The following CNTNAP5 variants were observed in gnomAD, a reference collection of about 807,000 sequenced individuals.
The protein encoded by CNTNAP5 is contactin-associated protein-like 5.
In CNTNAP5, 72 loss-of-function variants were observed where a neutral mutation model predicts 150.2. The ratio of observed to expected loss-of-function variants is 0.48; its 90% confidence interval spans 0.40 to 0.58. CNTNAP5 has a LOEUF of 0.58. CNTNAP5 is among the 20% of genes least tolerant of loss of function. The probability of loss-of-function intolerance (pLI) is 0.00; values close to 1 mark genes in which losing one functional copy is unlikely to be tolerated. For missense variants in CNTNAP5, 1,636 were observed against 1,626.2 expected (o/e 1.01, Z -0.10); for synonymous variants, 672 against 619.8 (o/e 1.08, Z -1.25).
chr2:124,556,198 A>G (rs1695751730), intron 10 of CNTNAP5, among the ~76,000 whole-genome samples: 1 of 152,166 alleles, frequency 6.6e-6, no homozygotes, highest in Non-Finnish European at 1.5e-5. Flanking sequence ...AGTGACAGGT[A>G]GTATGCTTCA....
At position 124,865,359 on chromosome 2, in the gene CNTNAP5, A is replaced by G; in HGVS notation, c.3271A>G (p.Ile1091Val). 1.3e-6 allele frequency: 2 copies of G among 1,562,664 alleles called. No homozygotes were observed. The highest frequency in any genetic ancestry group is 1.7e-6 in the Non-Finnish European group (2 of 1,151,958). ...LNKEETHVFTIDADNFANRRM... is the reference protein window; with the variant it reads ...LNKEETHVFTVDADNFANRRM... ...CAAGGAAGAAACCCATGTATTCACCATTGATGCAGATAACTTTGCTAACAG... is the reference window on the plus strand; with the variant it reads ...CAAGGAAGAAACCCATGTATTCACCGTTGATGCAGATAACTTTGCTAACAG... The change falls in exon 20 of 24, where the codon ATT becomes GTT. Residue 1091 changes from isoleucine to valine, a missense_variant. By Grantham distance (29) the Ile-to-Val change is conservative (BLOSUM62 3). Coordinates refer to ENST00000682447, the MANE Select transcript of CNTNAP5 (RefSeq NM_001367498.1).
At chr2:124,040,621 CTGTGTGTGTGTGTG>C (rs58364625) in intron 1 of CNTNAP5, among the ~76,000 whole-genome samples, 1 of 145,038 alleles carries the variant, frequency 6.9e-6, no homozygotes, top group Non-Finnish European at 1.5e-5. Context: ...CTGTATGCCT[CTGTGTGTGTGTGTG>C]TGTGTGTGTG....
intron 19 of CNTNAP5, among the ~76,000 whole-genome samples, chr2:124,799,051 A>G (rs1317165458): frequency 6.6e-6 from 1 of 152,136 alleles, no homozygotes; most frequent in Non-Finnish European, 1.5e-5. Flanking sequence ...ATTATTTTTT[A>G]AATTTTATTT....
chr2:124,267,130 T>A (rs1301380517), intron 3 of CNTNAP5, among the ~76,000 whole-genome samples: 1 of 152,156 alleles, frequency 6.6e-6, no homozygotes, highest in Non-Finnish European at 1.5e-5. Flanking sequence ...CTGAATGGAA[T>A]ATGCAGGCTG....
At chr2:124,847,335 T>G (rs1412919655) in intron 19 of CNTNAP5, among the ~76,000 whole-genome samples, 1 of 152,106 alleles carries the variant, frequency 6.6e-6, no homozygotes, top group East Asian at 1.9e-4. Context: ...TGGAGTTATA[T>G]TCCCAGGGGG....
chr2:124,805,454 C>T (rs922517457), intron 19 of CNTNAP5, among the ~76,000 whole-genome samples: 2 of 152,152 alleles, frequency 1.3e-5, no homozygotes, highest in African/African-American at 4.8e-5. Flanking sequence ...CACAAGGAAA[C>T]TCCCCACCTC....
At chr2:124,146,276 C>T (rs1242040618) in intron 1 of CNTNAP5, among the ~76,000 whole-genome samples, 1 of 152,186 alleles carries the variant, frequency 6.6e-6, no homozygotes, top group Non-Finnish European at 1.5e-5. Context: ...TGCTGCTAAA[C>T]TTAGTTCCCA....
At chr2:124,410,901 G>A (rs1290292438) in intron 3 of CNTNAP5, among the ~76,000 whole-genome samples, 3 of 151,656 alleles carry the variant, frequency 2.0e-5, no homozygotes, top group Admixed American at 6.6e-5. Context: ...GAAGGAAATA[G>A]AGACACAAAA....
chr2:124,909,849 ATATATAT>A (rs1310523115), intron 22 of CNTNAP5, among the ~76,000 whole-genome samples: 1 of 142,406 alleles, frequency 7.0e-6, no homozygotes, highest in Non-Finnish European at 1.5e-5. Flanking sequence ...ATATATATAT[ATATATAT>A]ATGTTCTTCT....
At chr2:124,655,921 G>GAA (rs1413015219) in intron 13 of CNTNAP5, among the ~76,000 whole-genome samples, 70 of 102,342 alleles carry the variant, frequency 6.8e-4, no homozygotes, top group African/African-American at 2.7e-3. Flanking sequence ...AAGAAAGACA[G>GAA]AAAGAGAGAG....
chr2:124,734,295 TATC>T (rs765104083), intron 13 of CNTNAP5, among the ~76,000 whole-genome samples: 3 of 152,012 alleles, frequency 2.0e-5, no homozygotes, highest in Non-Finnish European at 2.9e-5. Context: ...GGAAAAATGT[TATC>T]ATCTTCCCAT....
intron 11 of CNTNAP5, among the ~76,000 whole-genome samples, chr2:124,606,111 A>G (rs890051949): frequency 1.3e-5 from 2 of 152,134 alleles, no homozygotes; most frequent in Non-Finnish European, 2.9e-5. Flanking sequence ...AGAAAATATG[A>G]CAATTTTAAA....
intron 1 of CNTNAP5, among the ~76,000 whole-genome samples, chr2:124,191,118 T>C (rs777675639): frequency 1.3e-5 from 2 of 152,236 alleles, no homozygotes; most frequent in African/African-American, 2.4e-5. Context: ...TTAAGGAATT[T>C]GCATGTTCAA....
At chr2:124,706,128 A>G (rs1024052545) in intron 13 of CNTNAP5, among the ~76,000 whole-genome samples, 110 of 152,216 alleles carry the variant, frequency 7.2e-4, no homozygotes, top group Non-Finnish European at 5.3e-4. Context: ...ATTCTAGGTT[A>G]CTGCTCCACA....
intron 1 of CNTNAP5, among the ~76,000 whole-genome samples, chr2:124,178,516 A>C (rs1162197128): frequency 6.6e-6 from 1 of 152,142 alleles, no homozygotes; most frequent in African/African-American, 2.4e-5. Flanking sequence ...ACATGCTGAG[A>C]TCTCCCATAG....
intron 16 of CNTNAP5, among the ~76,000 whole-genome samples, chr2:124,764,869 G>C (rs1454328849): frequency 6.6e-6 from 1 of 151,732 alleles, no homozygotes; most frequent in Non-Finnish European, 1.5e-5. Context: ...AATAAAAAGG[G>C]AAAAAGCATA....
rs1677688327 is a variant in CNTNAP5, at chr2:124,624,944, TAC to T, written c.1876+15026_1876+15027del. Among the ~76,000 whole-genome samples, 3 of 152,280 alleles carry T rather than the reference TAC, an allele frequency of 2.0e-5. No homozygotes were observed. The South Asian group carries it at 6.2e-4, about 32-fold the overall frequency. ...ATTTGATTTTCTTAGCAATCCATGT[TAC>T]AGAGATAGGCACCATCTGGAGAGAC... On this transcript the variant is annotated intron_variant, in intron 12 of 23. Coordinates refer to ENST00000682447, the MANE Select transcript of CNTNAP5 (RefSeq NM_001367498.1).
At chr2:124,592,372 T>C (rs1047039123) in intron 11 of CNTNAP5, among the ~76,000 whole-genome samples, 6 of 119,150 alleles carry the variant, frequency 5.0e-5, no homozygotes. Context: ...TGTGTATATA[T>C]ATATGTGTGT....
chr2:124,744,114 A>G (rs1337370592), intron 13 of CNTNAP5, among the ~76,000 whole-genome samples: 1 of 152,168 alleles, frequency 6.6e-6, no homozygotes, highest in Admixed American at 6.6e-5. Flanking sequence ...CCCAAATCTC[A>G]TCCTGAATTG....
Sources: allele counts gnomAD v4.1 joint callset (sites outside exome capture counted in the v4.1 genomes callset), GRCh38; gene constraint gnomAD v4.1.1; transcripts MANE v1.5; gene names NCBI Gene and HGNC (gene_info 2026-07-23, HGNC 2026-07-21).